VGLL4: variants seen among roughly 807,000 people sequenced by gnomAD.
The protein encoded by VGLL4 is transcription cofactor vestigial-like protein 4.
A neutral mutation model predicts 21.0 loss-of-function variants in VGLL4; 7 were observed. The ratio of observed to expected loss-of-function variants is 0.33; its 90% CI spans 0.19 to 0.63. VGLL4 has a LOEUF of 0.63. Among genes scored for constraint, VGLL4 ranks in the 20% least tolerant of loss-of-function variants. The pLI is 0.78. For synonymous variants in VGLL4, 222 were observed against 173.2 expected, an observed-to-expected ratio of 1.28 and a Z score of -2.21; for missense variants, 394 against 425.7, an observed-to-expected ratio of 0.93 and a Z score of 0.66.
chr3:11,591,636 C>T (rs1158764968), intron 2 of VGLL4, among the ~76,000 whole-genome samples: 1 of 152,232 alleles, frequency 6.6e-6, no homozygotes, highest in Non-Finnish European at 1.5e-5. Context: ...TCTAGCCTGA[C>T]AAACAAGAAA....
chr3:11,584,325 C>G (rs999726572), intron 2 of VGLL4, among the ~76,000 whole-genome samples: 1 of 151,644 alleles, frequency 6.6e-6, no homozygotes, highest in African/African-American at 2.4e-5. Context: ...CATTCAAGTT[C>G]TCTAGTAGCA....
intron 2 of VGLL4, among the ~76,000 whole-genome samples, chr3:11,579,566 G>A (rs948993936): frequency 1.8e-4 from 28 of 152,312 alleles, no homozygotes; most frequent in Admixed American, 1.7e-3. Context: ...CGTCTGTGGA[G>A]TGTGCAGTGT....
intron 2 of VGLL4, among the ~76,000 whole-genome samples, chr3:11,665,101 C>CTTTTCTTT (rs2076097523): frequency 1.0e-5 from 1 of 96,950 alleles, no homozygotes; most frequent in Admixed American, 1.2e-4. Flanking sequence ...GAATATTTTT[C>CTTTTCTTT]TTTTTTTTTT....
intron 2 of VGLL4, among the ~76,000 whole-genome samples, chr3:11,678,697 T>C (rs2076328619): frequency 6.6e-6 from 1 of 152,122 alleles, no homozygotes; most frequent in Non-Finnish European, 1.5e-5. Context: ...TTAATATACA[T>C]ACATTCTCCC....
chr3:11,558,535 T>G lies in VGLL4; in HGVS notation c.*21A>C, dbSNP rs968206952. On this transcript the variant is annotated 3_prime_UTR_variant, in exon 5 of 5. Coordinates refer to ENST00000430365, the MANE Select transcript of VGLL4 (RefSeq NM_001128219.3). Reference sequence around the variant, plus strand: ...CAGGCAAACCATGCAGATCCACGTGTTGTTGGAGGAGGCGCTCCCTTCAGG... The same window carrying G: ...CAGGCAAACCATGCAGATCCACGTGGTGTTGGAGGAGGCGCTCCCTTCAGG... 2.6e-6 allele frequency: 4 copies of G among 1,521,738 alleles called. No homozygotes were observed. The Admixed American group carries it at 5.2e-5, about 20-fold the overall frequency. 94.3% of individuals were successfully genotyped at this position (1,521,738 alleles called of 1,614,324 possible). A position where few individuals can be genotyped will look rare whatever the true frequency, so the allele number is the denominator to read the frequency against.
chr3:11,578,139 C>A (rs1282510466), intron 2 of VGLL4, among the ~76,000 whole-genome samples: 1 of 152,230 alleles, frequency 6.6e-6, no homozygotes, highest in Non-Finnish European at 1.5e-5. Context: ...TATTCCAAGA[C>A]CTGCAGTCAC....
At chr3:11,622,186 T>C (rs1440320206) in intron 1 of VGLL4, among the ~76,000 whole-genome samples, 2 of 152,198 alleles carry the variant, frequency 1.3e-5, no homozygotes, top group Non-Finnish European at 2.9e-5. Context: ...TCTTACATCT[T>C]TTACAAAGCT....
intron 1 of VGLL4, among the ~76,000 whole-genome samples, chr3:11,716,464 C>T (rs971444766): frequency 1.3e-5 from 2 of 152,012 alleles, no homozygotes; most frequent in Non-Finnish European, 2.9e-5. Context: ...CAAATTTTTC[C>T]CCATACTGCA....
chr3:11,667,467 T>C (rs1342802221), intron 2 of VGLL4, among the ~76,000 whole-genome samples: 1 of 152,246 alleles, frequency 6.6e-6, no homozygotes, highest in Non-Finnish European at 1.5e-5. Context: ...TGACATATAG[T>C]ATATGCTATG....
At chr3:11,697,486 A>C (rs998928022) in intron 2 of VGLL4, among the ~76,000 whole-genome samples, 8 of 152,152 alleles carry the variant, frequency 5.3e-5, no homozygotes, top group Admixed American at 2.0e-4. Flanking sequence ...AAGGAGAGAG[A>C]AAGAGACAGA....
intron 2 of VGLL4, among the ~76,000 whole-genome samples, chr3:11,566,422 C>T (rs568682463): frequency 6.6e-6 from 1 of 152,310 alleles, no homozygotes; most frequent in South Asian, 2.1e-4. Flanking sequence ...ATTCAGATTT[C>T]GTGTTTTGCT....
chr3:11,721,637 A>G (rs530624500), upstream of VGLL4, among the ~76,000 whole-genome samples: 1 of 152,354 alleles, frequency 6.6e-6, no homozygotes, highest in South Asian at 2.1e-4. Context: ...TAAATAGGAG[A>G]TTCATCCTGC....
Position 11,616,365 on chromosome 3 carries a change from T to C in VGLL4, c.83-14343A>G, listed in dbSNP as rs142704774. On this transcript the variant is annotated intron_variant, in intron 1 of 4. Transcript: ENST00000430365. ...TCCTGCGTTATGGCTCTTAATCCTA[T>C]CGCCTAACGGTGGTACTATTTACAA... 5.9e-5 allele frequency among the ~76,000 whole-genome samples: 9 copies of C among 152,336 alleles called. No homozygotes were observed. In the East Asian group the frequency reaches 1.7e-3, roughly 29 times the overall value.
intron 2 of VGLL4, among the ~76,000 whole-genome samples, chr3:11,571,034 G>C (rs981018961): frequency 6.6e-6 from 1 of 152,190 alleles, no homozygotes; most frequent in East Asian, 1.9e-4. Context: ...GGGTGAAGAC[G>C]ATGTTTGCCG....
At chr3:11,717,662 T>G (rs1036442986) in intron 1 of VGLL4, among the ~76,000 whole-genome samples, 6 of 152,090 alleles carry the variant, frequency 3.9e-5, no homozygotes, top group African/African-American at 1.2e-4. Flanking sequence ...AAAGTGAAAG[T>G]TTTTACATAA....
At position 11,558,521 on chromosome 3, in the gene VGLL4, T is replaced by G; in HGVS notation, c.*35A>C. The G allele has an allele frequency of 7.4e-7, 1 of 1,350,870 alleles. No homozygotes were observed. The highest frequency in any genetic ancestry group is 9.8e-7 in the Non-Finnish European group (1 of 1,024,668). 83.7% of individuals were successfully genotyped at this position (1,350,870 alleles called of 1,614,324 possible). A position where few individuals can be genotyped will look rare whatever the true frequency, so the allele number is the denominator to read the frequency against. On this transcript the variant is annotated 3_prime_UTR_variant, in exon 5 of 5. Transcript: ENST00000430365. ...GACTGTTCAAAGCTCAGGCAAACCA[T>G]GCAGATCCACGTGTTGTTGGAGGAG...
At chr3:11,618,970 C>T (rs1217490816) in intron 1 of VGLL4, among the ~76,000 whole-genome samples, 1 of 152,224 alleles carries the variant, frequency 6.6e-6, no homozygotes, top group Non-Finnish European at 1.5e-5. Flanking sequence ...GAAGGGCTGA[C>T]TCCCTTTGGT....
chr3:11,686,386 T>G (rs570043639), intron 2 of VGLL4, among the ~76,000 whole-genome samples: 13 of 152,316 alleles, frequency 8.5e-5, no homozygotes, highest in African/African-American at 3.1e-4. Context: ...GAGGATATTA[T>G]GGTAAATGAA....
intron 1 of VGLL4, among the ~76,000 whole-genome samples, chr3:11,704,641 G>A: frequency 6.6e-6 from 1 of 152,008 alleles, no homozygotes; most frequent in Non-Finnish European, 1.5e-5. Flanking sequence ...AGAAAAAAAC[G>A]TTTTTCTATG....
Sources: gnomAD v4.1 joint callset for allele counts (sites outside exome capture counted in the v4.1 genomes callset) on GRCh38, gnomAD v4.1.1 for gene constraint, MANE v1.5 for transcripts, NCBI Gene and HGNC (gene_info 2026-07-23, HGNC 2026-07-21) for gene names.